The following MED27 variants were observed in gnomAD, a reference collection of about 807,000 sequenced individuals.
MED27 encodes the protein mediator of RNA polymerase II transcription subunit 27.
A neutral mutation model predicts 38.2 loss-of-function variants in MED27; 30 were observed. The ratio of observed to expected loss-of-function variants is 0.79; its 90% CI spans 0.59 to 1.07. The LOEUF (loss-of-function observed/expected upper bound fraction) is 1.07, where lower values mean the gene tolerates loss of function less well. MED27 is among the 50% of genes least tolerant of loss of function. MED27 has a pLI of 0.00. For missense variants in MED27, 289 were observed against 397.5 expected (o/e 0.73, Z 2.32); for synonymous variants, 122 against 153.5 (o/e 0.79, Z 1.52).
intron 4 of MED27, among the ~76,000 whole-genome samples, chr9:131,932,100 C>G (rs994144668): frequency 6.6e-6 from 1 of 151,936 alleles, no homozygotes; most frequent in Non-Finnish European, 1.5e-5. Flanking sequence ...GGACCATTCT[C>G]AAGCACAGAC....
chr9:131,907,631 G>A (rs1042589668), intron 4 of MED27, among the ~76,000 whole-genome samples: 2 of 151,972 alleles, frequency 1.3e-5, no homozygotes, highest in African/African-American at 4.8e-5. Flanking sequence ...GCCTCTGCCC[G>A]GCCGCCACCC....
At chr9:131,901,219 C>G (rs1391177190) in intron 4 of MED27, among the ~76,000 whole-genome samples, 1 of 152,136 alleles carries the variant, frequency 6.6e-6, no homozygotes, top group Non-Finnish European at 1.5e-5. Context: ...TCTCTTTGTA[C>G]TAATTCCAAA....
chr9:131,897,100 C>T (rs1272732871), intron 4 of MED27, among the ~76,000 whole-genome samples: 1 of 152,256 alleles, frequency 6.6e-6, no homozygotes, highest in Non-Finnish European at 1.5e-5. Context: ...ATATAGTCTT[C>T]ACAATCAGTG....
At chr9:131,871,081 T>C (rs751918908) in intron 6 of MED27, among the ~76,000 whole-genome samples, 4 of 152,046 alleles carry the variant, frequency 2.6e-5, no homozygotes, top group Non-Finnish European at 4.4e-5. Flanking sequence ...CCAGATTCAG[T>C]GTGCATCCCA....
intron 4 of MED27, among the ~76,000 whole-genome samples, chr9:131,894,916 G>C (rs1259072706): frequency 6.6e-6 from 1 of 152,146 alleles, no homozygotes; most frequent in Non-Finnish European, 1.5e-5. Context: ...GGCAAGACTG[G>C]ATCAGCTCCC....
intron 2 of MED27, chr9:132,073,681 G>C: frequency 6.6e-7 from 1 of 1,516,320 alleles, no homozygotes; most frequent in Non-Finnish European, 8.8e-7. Flanking sequence ...CAGGAGGGCA[G>C]GAGGGAGGAA....
At chr9:131,937,995 G>T (rs1022581195) in intron 4 of MED27, among the ~76,000 whole-genome samples, 1 of 151,886 alleles carries the variant, frequency 6.6e-6, no homozygotes, top group African/African-American at 2.4e-5. Context: ...AAAAAACATC[G>T]CATTATCTCC....
intron 5 of MED27, among the ~76,000 whole-genome samples, chr9:131,888,461 C>T (rs1283416030): frequency 6.6e-6 from 1 of 152,184 alleles, no homozygotes; most frequent in African/African-American, 2.4e-5. Flanking sequence ...CTGTCACTTG[C>T]GCAGCTCTTC....
At position 131,862,312 on chromosome 9, in the gene MED27, G is replaced by A. The variant is rs1452804347; in HGVS notation, c.801+751C>T. Among the ~76,000 whole-genome samples the A allele has an allele frequency of 6.6e-6, 1 of 152,218 alleles. No individual in the cohort carries two copies. The highest frequency in any genetic ancestry group is 2.4e-5 in the African/African-American group (1 of 41,454). On this transcript the variant is annotated intron_variant, in intron 7 of 7. Transcript: ENST00000292035. This position sits in a 1 kb window ranked among gnomAD's most constrained non-coding sequence, Gnocchi z 4.6. ...GAAAACAGGGAGTCCCAGCAGCGGT[G>A]GATGATGGGGTCTGCTGGCGTGAGA...
intron 4 of MED27, among the ~76,000 whole-genome samples, chr9:131,908,570 A>G (rs1379927897): frequency 6.6e-6 from 1 of 152,176 alleles, no homozygotes; most frequent in Non-Finnish European, 1.5e-5. Context: ...TTGATCTGTG[A>G]CCTTACCCCC....
intron 2 of MED27, among the ~76,000 whole-genome samples, chr9:132,038,188 CTTTTTTTTT>C (rs144353393): frequency 3.2e-5 from 4 of 125,720 alleles, no homozygotes; most frequent in East Asian, 2.2e-4. Flanking sequence ...AGGCATCCTT[CTTTTTTTTT>C]TTTTTTTTTT....
chr9:131,892,637 C>T lies in MED27; in HGVS notation c.681+1248G>A, dbSNP rs192627203. On this transcript the variant is annotated intron_variant, in intron 5 of 7. Coordinates refer to ENST00000292035, the MANE Select transcript of MED27 (RefSeq NM_004269.4). ...TATGAAGTTGTCAACTTTGAAAAAA[C>T]CCAACAAGAATGGCATCTCAAAATG... Among the ~76,000 whole-genome samples, 700 of 152,244 alleles carry T rather than the reference C, an allele frequency of 4.6e-3. 6 individuals carry two copies. Among genetic ancestry groups the T allele is most frequent in the South Asian group, 0.025 (122 of 4,824 alleles).
chr9:131,905,837 G>A (rs976235021), intron 4 of MED27, among the ~76,000 whole-genome samples: 4 of 151,192 alleles, frequency 2.6e-5, no homozygotes, highest in South Asian at 4.2e-4. Flanking sequence ...CAAATTGTTC[G>A]CCCTTCCAGT....
At chr9:131,905,761 C>T (rs777775883) in intron 4 of MED27, among the ~76,000 whole-genome samples, 1 of 144,984 alleles carries the variant, frequency 6.9e-6, no homozygotes, top group Non-Finnish European at 1.5e-5. Context: ...AAGAAAAAAC[C>T]AACCTGCCTC....
intron 5 of MED27, among the ~76,000 whole-genome samples, chr9:131,890,786 G>T (rs941247264): frequency 6.6e-6 from 1 of 152,156 alleles, no homozygotes; most frequent in Non-Finnish European, 1.5e-5. Context: ...TACCATTCTA[G>T]GTCTCAGTTT....
intron 3 of MED27, among the ~76,000 whole-genome samples, chr9:131,939,871 A>G (rs1564291005): frequency 6.7e-6 from 1 of 149,784 alleles, no homozygotes; most frequent in Non-Finnish European, 1.5e-5. Context: ...AATCACTGGA[A>G]TAACCAATTC....
At chr9:131,868,433 C>T (rs948141439) in intron 6 of MED27, among the ~76,000 whole-genome samples, 12 of 152,256 alleles carry the variant, frequency 7.9e-5, no homozygotes, top group Non-Finnish European at 1.3e-4. Flanking sequence ...CTCACGCCAC[C>T]CCGCCCAGCT....
At chr9:131,944,377 C>A (rs1259297287) in intron 3 of MED27, among the ~76,000 whole-genome samples, 3 of 152,110 alleles carry the variant, frequency 2.0e-5, no homozygotes, top group Non-Finnish European at 4.4e-5. Flanking sequence ...GTTTCAAATC[C>A]ACTTACTAGT....
chr9:131,888,833 T>G (rs532332337), intron 5 of MED27, among the ~76,000 whole-genome samples: 2 of 152,258 alleles, frequency 1.3e-5, no homozygotes, highest in East Asian at 3.9e-4. Context: ...CCCCAGAGAA[T>G]AAGAGTGAAC....
Sources: allele counts gnomAD v4.1 joint callset (sites outside exome capture counted in the v4.1 genomes callset), GRCh38; gene constraint gnomAD v4.1.1; non-coding constraint Gnocchi (gnomAD v3.1); transcripts MANE v1.5; gene names NCBI Gene and HGNC (gene_info 2026-07-23, HGNC 2026-07-21).